Variants in ITGB1 observed in about 807,000 individuals in gnomAD.
The protein encoded by ITGB1 is integrin beta-1.
ITGB1 carries 24 observed loss-of-function variants against 86.5 expected under a neutral mutation model. That is an observed-to-expected ratio of 0.28 (90% CI 0.20 to 0.39). The LOEUF is 0.39. Among genes scored for constraint, ITGB1 ranks in the 10% least tolerant of loss-of-function variants. The probability of loss-of-function intolerance (pLI) is 1.00; values close to 1 mark genes in which losing one functional copy is unlikely to be tolerated. For synonymous variants in ITGB1, 323 were observed against 316.8 expected (o/e 1.02, Z -0.21); for missense variants, 556 against 946.9 (o/e 0.59, Z 5.42).
intron 9 of ITGB1, among the ~76,000 whole-genome samples, chr10:32,921,548 C>T (rs888010451): frequency 1.2e-4 from 18 of 152,038 alleles, no homozygotes; most frequent in African/African-American, 3.1e-4. Context: ...AAGTGGTGCA[C>T]GAGACACACA....
At chr10:32,954,459 CTT>C in intron 1 of ITGB1, among the ~76,000 whole-genome samples, 2 of 152,226 alleles carry the variant, frequency 1.3e-5, no homozygotes, top group East Asian at 3.9e-4. Context: ...GACCACTCAC[CTT>C]TATCAGCAAA....
chr10:32,927,888 T>C (rs1264257521), intron 5 of ITGB1, among the ~76,000 whole-genome samples: 1 of 152,178 alleles, frequency 6.6e-6, no homozygotes, highest in Non-Finnish European at 1.5e-5. Context: ...TGTCAAACAG[T>C]AGCATCCAGT....
At chr10:32,925,825 C>A in intron 6 of ITGB1, 46 bp downstream of exon 6, 1 of 1,138,016 alleles carries the variant, frequency 8.8e-7, no homozygotes, top group Non-Finnish European at 1.3e-6. Flanking sequence ...AAAATTCACA[C>A]ACATAATAGA....
intron 1 of ITGB1, among the ~76,000 whole-genome samples, chr10:32,944,055 A>C (rs1045304138): frequency 2.0e-5 from 3 of 152,198 alleles, no homozygotes; most frequent in African/African-American, 7.2e-5. Context: ...CAGACAAGAA[A>C]GTTGGTTAGA....
At chr10:32,906,673 G>A (rs924560273) in intron 15 of ITGB1, 1 of 220,594 alleles carries the variant, frequency 4.5e-6, no homozygotes, top group Admixed American at 6.0e-5. Context: ...GAGGATTAGA[G>A]CTGACAGGCT....
At position 32,932,498 on chromosome 10, in the gene ITGB1, T is replaced by TG; in HGVS notation, c.153+16dup. 6.7e-7 allele frequency: 1 copy of TG among 1,487,530 alleles called. No individual in the cohort carries two copies. Among genetic ancestry groups the TG allele is most frequent in the Non-Finnish European group, 9.4e-7 (1 of 1,064,976 alleles). The allele number at this position is 1,487,530 out of a possible 1,614,324, so 92.1% of individuals were successfully genotyped here. On this transcript the variant is annotated intron_variant, in intron 3 of 15. Transcript: ENST00000302278. ...GACCAGAGAACAAATGGAAAGGACT[T>TG]GAGCAACCTTACTTACTGAATTTGT...
chr10:32,948,724 G>T (rs1383623985), intron 1 of ITGB1, among the ~76,000 whole-genome samples: 1 of 152,046 alleles, frequency 6.6e-6, no homozygotes, highest in East Asian at 1.9e-4. Context: ...TCTACCATGG[G>T]ATGATGCAAC....
chr10:32,907,080 C>T, intron 15 of ITGB1: 1 of 1,358,884 alleles, frequency 7.4e-7, no homozygotes, highest in Non-Finnish European at 9.8e-7. Context: ...TAGAGACCAG[C>T]TTTACGTCCG....
rs139059000 is a variant in ITGB1, at chr10:32,900,355, T to A, written c.*1215A>T. 2.6e-5 allele frequency: 4 copies of A among 152,620 alleles called. No individual in the cohort carries two copies. The highest frequency in any genetic ancestry group is 5.9e-5 in the Non-Finnish European group (4 of 68,018). 9.5% of individuals were successfully genotyped at this position (152,620 alleles called of 1,614,324 possible). Reference sequence around the variant, plus strand: ...ACTTCTTTAATCTATAAAAATTTCATGCACACAACCTGATAAAATACATCA... The same window carrying A: ...ACTTCTTTAATCTATAAAAATTTCAAGCACACAACCTGATAAAATACATCA... On this transcript the variant is annotated 3_prime_UTR_variant, in exon 16 of 16. Transcript: ENST00000302278.
At chr10:32,926,178 G>T in intron 5 of ITGB1, 69 bp from the exon 6 acceptor site, 1 of 1,199,322 alleles carries the variant, frequency 8.3e-7, no homozygotes, top group Non-Finnish European at 1.2e-6. Flanking sequence ...GATTTGCATT[G>T]TTTAAAAAAT....
intron 2 of ITGB1, 93 bp from the exon 3 acceptor site, chr10:32,932,693 T>G: frequency 1.4e-6 from 1 of 727,190 alleles, no homozygotes. Context: ...GCAATACATA[T>G]GTTAAATATT....
chr10:32,943,137 A>G (rs2095022917), intron 1 of ITGB1, among the ~76,000 whole-genome samples: 1 of 152,256 alleles, frequency 6.6e-6, no homozygotes, highest in Non-Finnish European at 1.5e-5. Context: ...TCTAAACAGA[A>G]AAGTGTTACT....
intron 8 of ITGB1, 117 bp from the exon 9 acceptor site, chr10:32,922,463 T>C (rs1593866518): frequency 1.2e-6 from 1 of 817,236 alleles, no homozygotes; most frequent in Non-Finnish European, 2.0e-6. Flanking sequence ...TAACTAACTT[T>C]AGGAGTCAAA....
rs200458757 is a variant in ITGB1 at position 32,935,530 on chromosome 10, C to T, written c.29G>A (p.Gly10Glu). The T allele has an allele frequency of 1.5e-5, 24 of 1,613,264 alleles. 2 individuals carry two copies. The South Asian group carries it at 2.5e-4, about 17-fold the overall frequency. ...CACACAGCAAACTGAACTGATCAGT[C>T]CAATCCAGAAAATTGGTTGTAAATT... The part of the protein sequence containing the change: MNLQPIFWI[G>E]LISSVCCVFA... Residue 10 changes from glycine to glutamate, a missense_variant, in exon 2 of 16, where the codon GGA (glycine) becomes GAA (glutamate). This residue lies in a region of ITGB1 where 183 missense variants were observed against 263.9 expected (regional missense o/e 0.69). Coordinates refer to ENST00000302278, the MANE Select transcript of ITGB1 (RefSeq NM_002211.4).
At chr10:32,916,394 C>G (rs187909571) in intron 11 of ITGB1, among the ~76,000 whole-genome samples, 1 of 152,310 alleles carries the variant, frequency 6.6e-6, no homozygotes, top group Admixed American at 6.5e-5. Context: ...AAGAGGAAAT[C>G]AAATTGTCCC....
At chr10:32,913,970 G>C (rs886582905) in intron 11 of ITGB1, among the ~76,000 whole-genome samples, 2 of 152,136 alleles carry the variant, frequency 1.3e-5, no homozygotes, top group Non-Finnish European at 2.9e-5. Flanking sequence ...CAGATCTCTC[G>C]GCAGAAACTC....
chr10:32,914,842 C>G (rs189989697), intron 11 of ITGB1, among the ~76,000 whole-genome samples: 1 of 152,244 alleles, frequency 6.6e-6, no homozygotes, highest in East Asian at 1.9e-4. Context: ...AACTCTCCAT[C>G]CCAAAACAAC....
chr10:32,954,790 GCA>G (rs139492488), intron 1 of ITGB1, among the ~76,000 whole-genome samples: 1 of 152,240 alleles, frequency 6.6e-6, no homozygotes, highest in East Asian at 1.9e-4. Flanking sequence ...CTTTTCTCAT[GCA>G]CACACACGTT....
rs760814509 is a variant in ITGB1 at position 32,923,586 on chromosome 10, T to A, written c.941A>T (p.Tyr314Phe). The change falls in exon 7 of 16, where the codon TAT becomes TTT. Residue 314 changes from tyrosine (Y) to phenylalanine (F), a missense_variant and splice_region_variant. Physicochemically the swap from Tyr to Phe is conservative, Grantham distance 22 (BLOSUM62 3). Around this residue, in one of 4 missense-constraint regions of ITGB1, gnomAD observed 330 missense variants for 531.5 expected, o/e 0.62. Transcript: ENST00000302278. ...ENNMYTMSHY[Y>F]DYPSIAHLVQ... is the part of the protein sequence containing the mutation. ...CTATGTAAGGAACCAGGCACTTACA[T>A]AATAATGGCTCATTGTGTACATATT... 7 of 1,610,068 alleles carry A rather than the reference T, an allele frequency of 4.3e-6. No individual in the cohort carries two copies. Among genetic ancestry groups the A allele is most frequent in the Non-Finnish European group, 5.9e-6 (7 of 1,177,834 alleles).
Sources: allele counts gnomAD v4.1 joint callset (sites outside exome capture counted in the v4.1 genomes callset), GRCh38; gene constraint gnomAD v4.1.1; regional missense constraint gnomAD v4.1.1; transcripts MANE v1.5; gene names NCBI Gene and HGNC (gene_info 2026-07-23, HGNC 2026-07-21).